Variants in BRINP3 observed in about 807,000 individuals in gnomAD.
BRINP3 encodes the protein BMP/retinoic acid inducible neural specific 3.
A neutral mutation model predicts 71.0 loss-of-function variants in BRINP3; 19 were observed. The ratio of observed to expected loss-of-function variants is 0.27; its 90% CI spans 0.19 to 0.39. BRINP3 has a LOEUF of 0.39. Ranked by LOEUF, BRINP3 falls within the 10% of genes least tolerant of loss-of-function variation. The pLI is 1.00. For missense variants in BRINP3, 959 were observed against 940.8 expected, an observed-to-expected ratio of 1.02 and a Z score of -0.25; for synonymous variants, 380 against 337.7, an observed-to-expected ratio of 1.13 and a Z score of -1.37.
At chr1:190,120,130 G>GA (rs34243086) in intron 7 of BRINP3, among the ~76,000 whole-genome samples, 58,457 of 151,946 alleles carry the variant, frequency 0.38, 11,977 homozygotes, top group Non-Finnish European at 0.47. Context: ...AGACATATTT[G>GA]AAAAAATCCA....
At chr1:190,156,323 G>A (rs1656858906) in intron 7 of BRINP3, among the ~76,000 whole-genome samples, 1 of 152,008 alleles carries the variant, frequency 6.6e-6, no homozygotes, top group South Asian at 2.1e-4. Flanking sequence ...ATCATAAATT[G>A]AGAGAAAAGT....
Position 190,243,662 on chromosome 1 carries a change from G to T in BRINP3, c.619-9185C>A, listed in dbSNP as rs533315790. Reference sequence around the variant, plus strand: ...AACAATAGGTACAGTTTGCAACCTGGTTCAGGGCTGTGGCATTTCCCTTGC... The same window carrying T: ...AACAATAGGTACAGTTTGCAACCTGTTTCAGGGCTGTGGCATTTCCCTTGC... On this transcript the variant is annotated intron_variant, in intron 4 of 7. Coordinates refer to ENST00000367462, the MANE Select transcript of BRINP3 (RefSeq NM_199051.3). Among the ~76,000 whole-genome samples the T allele has an allele frequency of 2.6e-5, 4 of 152,140 alleles. No homozygotes were observed. The East Asian group carries it at 7.8e-4, about 30-fold the overall frequency.
chr1:190,116,045 T>C (rs1262750710), intron 7 of BRINP3, among the ~76,000 whole-genome samples: 1 of 152,064 alleles, frequency 6.6e-6, no homozygotes, highest in Non-Finnish European at 1.5e-5. Context: ...GATAGACACA[T>C]TCATCATCTC....
chr1:190,135,745 A>T (rs1307162357), intron 7 of BRINP3, among the ~76,000 whole-genome samples: 1 of 152,206 alleles, frequency 6.6e-6, no homozygotes, highest in East Asian at 1.9e-4. Context: ...AAATTAATAA[A>T]TAATTATTTC....
At chr1:190,236,629 T>C (rs1367702683) in intron 4 of BRINP3, among the ~76,000 whole-genome samples, 1 of 151,984 alleles carries the variant, frequency 6.6e-6, no homozygotes, top group Non-Finnish European at 1.5e-5. Flanking sequence ...CAACAACTTT[T>C]AATTATTCTC....
intron 7 of BRINP3, among the ~76,000 whole-genome samples, chr1:190,107,838 G>A (rs568711428): frequency 6.6e-6 from 1 of 151,368 alleles, no homozygotes; most frequent in South Asian, 2.1e-4. Context: ...TTTTACTGGG[G>A]AAAATCAAAT....
At chr1:190,461,122 G>T (rs575595928) in intron 1 of BRINP3, among the ~76,000 whole-genome samples, 8 of 152,180 alleles carry the variant, frequency 5.3e-5, no homozygotes, top group African/African-American at 1.9e-4. Flanking sequence ...TTTGTTTCAG[G>T]ATATCTGATC....
intron 3 of BRINP3, among the ~76,000 whole-genome samples, chr1:190,281,239 C>T (rs976468623): frequency 6.6e-5 from 10 of 151,888 alleles, no homozygotes; most frequent in African/African-American, 2.2e-4. Flanking sequence ...TTGATGACCC[C>T]ACCTGTGACT....
intron 2 of BRINP3, among the ~76,000 whole-genome samples, chr1:190,418,966 A>T (rs1179587728): frequency 6.6e-6 from 1 of 152,110 alleles, no homozygotes; most frequent in East Asian, 1.9e-4. Context: ...TACTATCCAT[A>T]TCATGCTTCC....
At position 190,462,548 on chromosome 1, in the gene BRINP3, G is replaced by A. The variant is rs140410692; in HGVS notation, c.-50-7608C>T. ...CATATACTAGGATTATTTTGATTGAGATCTCCCTGACTACCTGTGAGAAAA... is the reference window on the plus strand; with the variant it reads ...CATATACTAGGATTATTTTGATTGAAATCTCCCTGACTACCTGTGAGAAAA... On this transcript the variant is annotated intron_variant, in intron 1 of 7. Coordinates refer to ENST00000367462, the MANE Select transcript of BRINP3 (RefSeq NM_199051.3). Among the ~76,000 whole-genome samples the A allele has an allele frequency of 2.0e-4, 31 of 152,186 alleles. 1 individual carries two copies. The East Asian group carries it at 5.6e-3, about 27-fold the overall frequency.
At chr1:190,143,167 T>C (rs1409238884) in intron 7 of BRINP3, among the ~76,000 whole-genome samples, 1 of 152,198 alleles carries the variant, frequency 6.6e-6, no homozygotes, top group Admixed American at 6.5e-5. Context: ...GTAGCCTATA[T>C]ACTTGTCCGA....
chr1:190,145,973 T>C (rs1008655441), intron 7 of BRINP3, among the ~76,000 whole-genome samples: 1 of 152,148 alleles, frequency 6.6e-6, no homozygotes, highest in African/African-American at 2.4e-5. Flanking sequence ...AAATATCATA[T>C]GTTCTCATTT....
chr1:190,284,100 A>G (rs974449789), intron 2 of BRINP3, among the ~76,000 whole-genome samples: 2 of 152,036 alleles, frequency 1.3e-5, no homozygotes, highest in Non-Finnish European at 2.9e-5. Flanking sequence ...CATGACTGAG[A>G]GTAAACACAT....
chr1:190,157,909 T>C (rs1286110952), intron 7 of BRINP3, among the ~76,000 whole-genome samples: 1 of 152,062 alleles, frequency 6.6e-6, no homozygotes. Context: ...ATATGGTACA[T>C]ACATGCCATG....
In BRINP3 at chr1:190,281,190, T is replaced by C. The variant is rs543986894; in HGVS notation, c.427+370A>G. On this transcript the variant is annotated intron_variant, in intron 3 of 7. Transcript: ENST00000367462. ...ACAATGTAATTGTAGTTATTTAATA[T>C]GTACTCAAAGAAATCTTTCCTTCTC... 2.0e-5 allele frequency among the ~76,000 whole-genome samples: 3 copies of C among 152,096 alleles called. No homozygotes were observed. The South Asian group carries it at 6.2e-4, about 32-fold the overall frequency.
intron 7 of BRINP3, among the ~76,000 whole-genome samples, chr1:190,152,531 A>AACC (rs1558012582): frequency 2.1e-4 from 18 of 84,644 alleles, no homozygotes; most frequent in Non-Finnish European, 3.1e-4. Context: ...ATCTCCCCCA[A>AACC]CCCCCCCCCC....
chr1:190,300,344 G>T (rs10920690), intron 2 of BRINP3, among the ~76,000 whole-genome samples: 1 of 151,816 alleles, frequency 6.6e-6, no homozygotes, highest in Non-Finnish European at 1.5e-5. Flanking sequence ...GATCGCATCG[G>T]CTCCTGAGGC....
At chr1:190,467,581 C>G (rs143624675) in intron 1 of BRINP3, among the ~76,000 whole-genome samples, 1 of 151,336 alleles carries the variant, frequency 6.6e-6, no homozygotes, top group Non-Finnish European at 1.5e-5. Flanking sequence ...CAAATTTTAA[C>G]CCAGAGGTTA....
intron 4 of BRINP3, among the ~76,000 whole-genome samples, chr1:190,234,800 C>T (rs552551370): frequency 3.9e-5 from 6 of 152,092 alleles, no homozygotes; most frequent in South Asian, 2.1e-4. Context: ...TGGAAGACAG[C>T]GAGTTCTGAC....
Sources: gnomAD v4.1 joint callset for allele counts (sites outside exome capture counted in the v4.1 genomes callset) on GRCh38, gnomAD v4.1.1 for gene constraint, MANE v1.5 for transcripts, NCBI Gene and HGNC (gene_info 2026-07-23, HGNC 2026-07-21) for gene names.